The following TXN variants were observed in gnomAD, a reference collection of about 807,000 sequenced individuals.
TXN encodes the protein thioredoxin.
In TXN, 10 loss-of-function variants were observed where a neutral mutation model predicts 16.5. That is an observed-to-expected ratio of 0.61 (90% confidence interval 0.37 to 1.03). The LOEUF is 1.03. Ranked by LOEUF, TXN falls within the 50% of genes least tolerant of loss-of-function variation. The probability of loss-of-function intolerance (pLI) is 0.01; values close to 1 mark genes in which losing one functional copy is unlikely to be tolerated. For missense variants in TXN, 71 were observed against 122.5 expected, an observed-to-expected ratio of 0.58 and a Z score of 1.98; for synonymous variants, 35 against 39.4, an observed-to-expected ratio of 0.89 and a Z score of 0.42.
At chr9:110,253,429 A>C (rs1278073892) in intron 1 of TXN, among the ~76,000 whole-genome samples, 1 of 152,208 alleles carries the variant, frequency 6.6e-6, no homozygotes, top group Non-Finnish European at 1.5e-5. Flanking sequence ...TTTCATTCAA[A>C]GCCTTCCCTA....
At chr9:110,252,552 C>T (rs1837754754) in intron 1 of TXN, among the ~76,000 whole-genome samples, 1 of 152,158 alleles carries the variant, frequency 6.6e-6, no homozygotes, top group Admixed American at 6.5e-5. Flanking sequence ...TAGAAATGAT[C>T]AAGAAATCTC....
intron 1 of TXN, among the ~76,000 whole-genome samples, chr9:110,253,883 T>C (rs1837772428): frequency 6.6e-6 from 1 of 151,890 alleles, no homozygotes. Flanking sequence ...CTGACACCAA[T>C]AATCTGGGGG....
chr9:110,253,975 AGT>A (rs374701971), intron 1 of TXN, among the ~76,000 whole-genome samples: 5 of 152,308 alleles, frequency 3.3e-5, no homozygotes, highest in African/African-American at 1.2e-4. Flanking sequence ...GAGGGTAATA[AGT>A]GTGAGTGGTT....
chr9:110,249,307 T>TAAA (rs71492877), intron 3 of TXN, among the ~76,000 whole-genome samples: 25 of 143,426 alleles, frequency 1.7e-4, no homozygotes, highest in African/African-American at 3.1e-4. Context: ...ACACTCTTTT[T>TAAA]AAAAAAAAAA....
chr9:110,253,334 G>T (rs1341120429), intron 1 of TXN, among the ~76,000 whole-genome samples: 1 of 152,114 alleles, frequency 6.6e-6, no homozygotes, highest in African/African-American at 2.4e-5. Context: ...CACCTCTAGA[G>T]GTGGAGACAT....
intron 1 of TXN, among the ~76,000 whole-genome samples, chr9:110,254,275 C>G (rs536607466): frequency 1.3e-5 from 2 of 152,304 alleles, no homozygotes; most frequent in South Asian, 4.1e-4. Context: ...AATCCTAGCA[C>G]TTTGGGAGCC....
chr9:110,244,299 TTATATATATACATATACATATG>T (rs57352917), intron 4 of TXN, 80 bp from the exon 5 acceptor site: 22 of 367,488 alleles, frequency 6.0e-5, no homozygotes, highest in East Asian at 1.3e-4. Flanking sequence ...AAATATGTAT[TTATATATATACATATACATATG>T]TATATATATA....
At chr9:110,245,618 C>CCA (rs1425530609) in intron 3 of TXN, among the ~76,000 whole-genome samples, 3 of 30,886 alleles carry the variant, frequency 9.7e-5, no homozygotes, top group African/African-American at 4.1e-4. Flanking sequence ...CACACACACA[C>CCA]TATATATATA....
chr9:110,255,375 G>C (rs978130061), intron 1 of TXN, among the ~76,000 whole-genome samples: 1 of 152,198 alleles, frequency 6.6e-6, no homozygotes, highest in African/African-American at 2.4e-5. Context: ...TTAGGCTCTG[G>C]GTTTCCCAGT....
At chr9:110,252,223 C>CAAAAAAGAAA (rs1554695822) in intron 1 of TXN, among the ~76,000 whole-genome samples, 9 of 58,394 alleles carry the variant, frequency 1.5e-4, no homozygotes, top group Middle Eastern at 0.013. Flanking sequence ...GACTCTGTCG[C>CAAAAAAGAAA]AAAAAAAAAA....
chr9:110,245,004 T>C, intron 3 of TXN, 161 bp from the exon 4 acceptor site: 2 of 525,718 alleles, frequency 3.8e-6, no homozygotes, highest in Non-Finnish European at 7.0e-6. Flanking sequence ...ATGAATATAA[T>C]GGCATTACAA....
At chr9:110,252,245 A>AAAAG (rs199937630) in intron 1 of TXN, among the ~76,000 whole-genome samples, 14 of 136,202 alleles carry the variant, frequency 1.0e-4, no homozygotes, top group South Asian at 4.9e-4. Context: ...AAAAAAAAAA[A>AAAAG]GCTATGACTT....
chr9:110,244,820 G>T lies in TXN; in HGVS notation c.213C>A (p.Val71=). The T allele has an allele frequency of 1.2e-6, 2 of 1,612,870 alleles. No individual in the cohort carries two copies. Among genetic ancestry groups the T allele is most frequent in the South Asian group, 2.2e-5 (2 of 91,000 alleles). ...AAAACTGGAATGTTGGCATGCATTT[G>T]ACTTCACACTCTGAAGCAACATCCT... ...DCQDVASECE[V]KCMPTFQFFK... The change falls in exon 4 of 5, where the codon GTC becomes GTA. Residue 71 remains valine (V), a synonymous_variant. Transcript: ENST00000374517.
intron 3 of TXN, among the ~76,000 whole-genome samples, chr9:110,245,652 A>ATTTTT (rs1277293432): frequency 3.8e-4 from 9 of 23,676 alleles, no homozygotes; most frequent in African/African-American, 1.8e-3. Context: ...ATATATATAT[A>ATTTTT]TATTTTTTTT....
chr9:110,250,754 T>C (rs935091291), intron 3 of TXN, 66 bp downstream of exon 3: 1 of 1,179,330 alleles, frequency 8.5e-7, no homozygotes, highest in African/African-American at 1.5e-5. Flanking sequence ...AAAAAAGCAC[T>C]GTGCAATTCA....
In TXN at chr9:110,256,411, C is replaced by G; in HGVS notation, c.24+1G>C. The G allele has an allele frequency of 6.2e-7, 1 of 1,607,034 alleles. No individual in the cohort carries two copies. Among genetic ancestry groups the G allele is most frequent in the Non-Finnish European group, 8.5e-7 (1 of 1,176,854 alleles). On this transcript the variant is annotated splice_donor_variant, in intron 1 of 4. Coordinates refer to ENST00000374517, the MANE Select transcript of TXN (RefSeq NM_003329.4). LOFTEE classifies it high-confidence loss of function. This position sits in a 1 kb window ranked among gnomAD's most constrained non-coding sequence, Gnocchi z 4.2. ...CCCTGGCCTTCCCCGGTAGCGCGTA[C>G]CTTGCTCTCGATCTGCTTCACCATC...
chr9:110,249,592 G>A (rs184251305), intron 3 of TXN, among the ~76,000 whole-genome samples: 1 of 152,308 alleles, frequency 6.6e-6, no homozygotes, highest in Non-Finnish European at 1.5e-5. Context: ...CAAGGAGTTA[G>A]TCAGGTAGGA....
chr9:110,245,644 A>AT (rs1564367454), intron 3 of TXN, among the ~76,000 whole-genome samples: 57 of 27,544 alleles, frequency 2.1e-3, no homozygotes, highest in Non-Finnish European at 2.9e-3. Context: ...ATATATATAT[A>AT]TATATATATA....
chr9:110,250,251 C>T (rs1837713719), intron 3 of TXN, among the ~76,000 whole-genome samples: 1 of 152,194 alleles, frequency 6.6e-6, no homozygotes. Flanking sequence ...AAAAACCACC[C>T]AGAACAGTGC....
Sources: gnomAD v4.1 joint callset for allele counts (sites outside exome capture counted in the v4.1 genomes callset) on GRCh38, gnomAD v4.1.1 for gene constraint, Gnocchi (gnomAD v3.1) non-coding constraint, MANE v1.5 for transcripts, NCBI Gene and HGNC (gene_info 2026-07-23, HGNC 2026-07-21) for gene names.